RCAN2: variants seen among roughly 807,000 people sequenced by gnomAD.
The protein encoded by RCAN2 is calcipressin-2.
RCAN2 carries 9 observed loss-of-function variants against 23.6 expected under a neutral mutation model. The observed-to-expected ratio is 0.38, with a 90% CI of 0.23 to 0.67. RCAN2 has a LOEUF of 0.67. RCAN2 is among the 30% of genes least tolerant of loss of function. The probability of loss-of-function intolerance (pLI) is 0.51; values close to 1 mark genes in which losing one functional copy is unlikely to be tolerated. For synonymous variants in RCAN2, 109 were observed against 115.7 expected, an observed-to-expected ratio of 0.94 and a Z score of 0.37; for missense variants, 273 against 302.3, an observed-to-expected ratio of 0.90 and a Z score of 0.72.
intron 2 of RCAN2, among the ~76,000 whole-genome samples, chr6:46,296,670 A>G (rs1168640427): frequency 1.3e-5 from 2 of 152,176 alleles, no homozygotes; most frequent in African/African-American, 4.8e-5. Context: ...TGATACCCAG[A>G]GGCCATCTGG....
chr6:46,354,136 T>C (rs1465985592), intron 2 of RCAN2, among the ~76,000 whole-genome samples: 1 of 152,082 alleles, frequency 6.6e-6, no homozygotes, highest in African/African-American at 2.4e-5. Context: ...AGTCTCAAGT[T>C]TTCAGGATGC....
At chr6:46,341,304 G>A (rs1297391406) in intron 2 of RCAN2, among the ~76,000 whole-genome samples, 1 of 152,040 alleles carries the variant, frequency 6.6e-6, no homozygotes, top group Non-Finnish European at 1.5e-5. Flanking sequence ...AAGCAGGGGG[G>A]TCAAATCTTT....
intron 2 of RCAN2, among the ~76,000 whole-genome samples, chr6:46,389,340 C>T (rs901193459): frequency 1.3e-5 from 2 of 152,222 alleles, no homozygotes; most frequent in Non-Finnish European, 2.9e-5. Context: ...TTTCTTTACA[C>T]TGTTTCCTCT....
At chr6:46,291,280 G>GTTT (rs11389800) in intron 2 of RCAN2, among the ~76,000 whole-genome samples, 22 of 145,274 alleles carry the variant, frequency 1.5e-4, no homozygotes, top group African/African-American at 4.6e-4. Context: ...ATTCGCCAGT[G>GTTT]TTTTTTTTTT....
intron 2 of RCAN2, among the ~76,000 whole-genome samples, chr6:46,321,679 C>A (rs2150362296): frequency 6.6e-6 from 1 of 152,320 alleles, no homozygotes; most frequent in Admixed American, 6.5e-5. Context: ...TGCCCCCTGG[C>A]AGAGTGGTGG....
At chr6:46,411,381 A>G (rs1766546023) in intron 2 of RCAN2, among the ~76,000 whole-genome samples, 1 of 152,196 alleles carries the variant, frequency 6.6e-6, no homozygotes, top group Non-Finnish European at 1.5e-5. Flanking sequence ...GTTTGGGAAG[A>G]TGAAAAAGTT....
intron 2 of RCAN2, among the ~76,000 whole-genome samples, chr6:46,311,405 T>A (rs1432965480): frequency 6.6e-6 from 1 of 152,236 alleles, no homozygotes; most frequent in Non-Finnish European, 1.5e-5. Flanking sequence ...AAGATGTGAA[T>A]GATACTCTGG....
intron 2 of RCAN2, among the ~76,000 whole-genome samples, chr6:46,358,291 T>C (rs112947883): frequency 6.6e-6 from 1 of 152,292 alleles, no homozygotes; most frequent in African/African-American, 2.4e-5. Flanking sequence ...GTAATGATCA[T>C]GCTGGAGGCC....
rs544679377 is a variant in RCAN2 at position 46,305,164 on chromosome 6, G to A, written c.226-56268C>T. Among the ~76,000 whole-genome samples, 154 of 152,120 alleles carry A rather than the reference G, an allele frequency of 1.0e-3. 2 individuals are homozygous for A. The highest frequency in any genetic ancestry group is 3.4e-3 in the African/African-American group (140 of 41,520). ...GGCTCCTTCCATGCTAGACTTCTCC[G>A]CGGACACAAAGGCAGGCACCCCAAG... On this transcript the variant is annotated intron_variant, in intron 2 of 4. Transcript: ENST00000371374.
chr6:46,393,983 C>T, intron 2 of RCAN2, among the ~76,000 whole-genome samples: 1 of 152,182 alleles, frequency 6.6e-6, no homozygotes, highest in East Asian at 1.9e-4. Flanking sequence ...TGTCCAAATG[C>T]TGTGGAAATT....
At chr6:46,270,495 A>G (rs973301293) in intron 2 of RCAN2, among the ~76,000 whole-genome samples, 1 of 152,142 alleles carries the variant, frequency 6.6e-6, no homozygotes, top group Non-Finnish European at 1.5e-5. Flanking sequence ...CTCGTCAACC[A>G]GTGATGTGTA....
At chr6:46,257,461 C>T (rs745890003) in intron 2 of RCAN2, among the ~76,000 whole-genome samples, 3 of 152,146 alleles carry the variant, frequency 2.0e-5, no homozygotes, top group Non-Finnish European at 4.4e-5. Context: ...ACTCACAGTT[C>T]CACATGGCTG....
At chr6:46,303,873 C>A (rs1223981194) in intron 2 of RCAN2, among the ~76,000 whole-genome samples, 1 of 152,058 alleles carries the variant, frequency 6.6e-6, no homozygotes, top group Non-Finnish European at 1.5e-5. Flanking sequence ...ACATTTGGAT[C>A]TTTTCCACTT....
intron 2 of RCAN2, among the ~76,000 whole-genome samples, chr6:46,290,096 C>T (rs566824301): frequency 3.3e-5 from 5 of 151,996 alleles, no homozygotes; most frequent in South Asian, 2.1e-4. Context: ...GCAAAGCTAC[C>T]GACCCTCCAT....
rs1046240943 is a variant in RCAN2 at position 46,318,599 on chromosome 6, T to G, written c.226-69703A>C. On this transcript the variant is annotated intron_variant, in intron 2 of 4. Coordinates refer to ENST00000371374, the MANE Select transcript of RCAN2 (RefSeq NM_001251974.2). ...CAACTCACTTGCCAAGAATCTTCTTTGGGCCCTTAATCCCTTGATGTAGTT... is the reference window on the plus strand; with the variant it reads ...CAACTCACTTGCCAAGAATCTTCTTGGGGCCCTTAATCCCTTGATGTAGTT... Among the ~76,000 whole-genome samples the G allele has an allele frequency of 2.0e-5, 3 of 152,160 alleles. No homozygotes were observed. The East Asian group carries it at 5.8e-4, about 29-fold the overall frequency.
chr6:46,428,147 C>T (rs1767085757), intron 2 of RCAN2, among the ~76,000 whole-genome samples: 1 of 152,190 alleles, frequency 6.6e-6, no homozygotes, highest in Non-Finnish European at 1.5e-5. Context: ...CTAAGCTAGG[C>T]CTGGTTGTCC....
chr6:46,255,654 G>A (rs1034940124), intron 2 of RCAN2, among the ~76,000 whole-genome samples: 2 of 152,074 alleles, frequency 1.3e-5, no homozygotes, highest in Non-Finnish European at 2.9e-5. Context: ...AGGATTGCAC[G>A]GTGACCACCG....
intron 2 of RCAN2, among the ~76,000 whole-genome samples, chr6:46,452,659 T>C (rs868111633): frequency 6.6e-6 from 1 of 152,094 alleles, no homozygotes; most frequent in Non-Finnish European, 1.5e-5. Context: ...ACCCAGGAAG[T>C]AGAGTTACAG....
intron 2 of RCAN2, among the ~76,000 whole-genome samples, chr6:46,442,734 C>A (rs1246271464): frequency 6.6e-6 from 1 of 152,202 alleles, no homozygotes; most frequent in Admixed American, 6.5e-5. Context: ...ATACTCTCAA[C>A]TCTATCCATC....
Sources: allele counts gnomAD v4.1 joint callset (sites outside exome capture counted in the v4.1 genomes callset), GRCh38; gene constraint gnomAD v4.1.1; transcripts MANE v1.5; gene names NCBI Gene and HGNC (gene_info 2026-07-23, HGNC 2026-07-21).